The following APPL2 variants were observed in gnomAD, a reference collection of about 807,000 sequenced individuals.
APPL2 encodes the protein adaptor protein, phosphotyrosine interacting with PH domain and leucine zipper 2, also known as DCC-interacting protein 13-beta.
A neutral mutation model predicts 92.7 loss-of-function variants in APPL2; 84 were observed. The ratio of observed to expected loss-of-function variants is 0.91; its 90% CI spans 0.76 to 1.09. The LOEUF (loss-of-function observed/expected upper bound fraction) is 1.09, where lower values mean the gene tolerates loss of function less well. Ranked by LOEUF, APPL2 falls within the 50% of genes least tolerant of loss-of-function variation. APPL2 has a pLI of 0.00. For missense variants in APPL2, 736 were observed against 824.5 expected (o/e 0.89, Z 1.31); for synonymous variants, 291 against 291.0 (o/e 1.00, Z 0.00).
At chr12:105,198,069 T>C in intron 10 of APPL2, 116 bp from the exon 11 acceptor site, 1 of 1,081,522 alleles carries the variant, frequency 9.2e-7, no homozygotes, top group Non-Finnish European at 1.3e-6. Flanking sequence ...TGTTTCTTTA[T>C]ATCGTTAAAG....
intron 14 of APPL2, among the ~76,000 whole-genome samples, chr12:105,194,690 C>T (rs886673870): frequency 4.8e-5 from 7 of 146,734 alleles, no homozygotes; most frequent in African/African-American, 2.5e-5. Flanking sequence ...GACTCCGTCT[C>T]GAAAAAATTA....
intron 8 of APPL2, among the ~76,000 whole-genome samples, chr12:105,204,302 A>C (rs1888508811): frequency 6.6e-6 from 1 of 152,178 alleles, no homozygotes; most frequent in Non-Finnish European, 1.5e-5. Flanking sequence ...GAGCAAGGGT[A>C]TTCTCTCACA....
At chr12:105,195,818 G>C (rs1264424191) in intron 11 of APPL2, among the ~76,000 whole-genome samples, 191 bp from the exon 12 acceptor site, 1 of 152,196 alleles carries the variant, frequency 6.6e-6, no homozygotes, top group Non-Finnish European at 1.5e-5. Flanking sequence ...ATTTTGGGAA[G>C]GTGAGGCAGG....
intron 19 of APPL2, chr12:105,176,480 C>T: frequency 2.3e-6 from 1 of 434,718 alleles, no homozygotes; most frequent in Non-Finnish European, 4.0e-6. Flanking sequence ...GTTTTTCATA[C>T]TAAACCAACA....
chr12:105,225,966 T>C (rs1388545098), intron 2 of APPL2, among the ~76,000 whole-genome samples: 2 of 152,210 alleles, frequency 1.3e-5, no homozygotes, highest in Non-Finnish European at 2.9e-5. Flanking sequence ...AAGCCTGCTT[T>C]TGAAAATATG....
At chr12:105,177,340 A>G in intron 17 of APPL2, 78 bp from the exon 18 acceptor site, 5 of 1,422,474 alleles carry the variant, frequency 3.5e-6, no homozygotes, top group Non-Finnish European at 4.0e-6. Flanking sequence ...AGAAGTCCAG[A>G]ATAAATACAA....
At chr12:105,174,978 G>A (rs986386300) in intron 20 of APPL2, among the ~76,000 whole-genome samples, 9 of 150,434 alleles carry the variant, frequency 6.0e-5, no homozygotes, top group Admixed American at 2.0e-4. Context: ...TCGCCTCCCC[G>A]GTTCAAACGA....
intron 14 of APPL2, among the ~76,000 whole-genome samples, chr12:105,194,782 T>TAA (rs36104130): frequency 0.27 from 38,875 of 144,308 alleles, 5,974 homozygotes; most frequent in African/African-American, 0.44. Context: ...TAGAAATAGT[T>TAA]AAAAAAAAAA....
intron 4 of APPL2, among the ~76,000 whole-genome samples, chr12:105,211,653 T>C (rs1889228093): frequency 6.6e-6 from 1 of 152,184 alleles, no homozygotes; most frequent in Non-Finnish European, 1.5e-5. Flanking sequence ...TGGATGTGCC[T>C]GCAGAGAACA....
intron 9 of APPL2, among the ~76,000 whole-genome samples, chr12:105,200,769 T>A (rs1388904346): frequency 6.6e-6 from 1 of 152,216 alleles, no homozygotes; most frequent in Non-Finnish European, 1.5e-5. Context: ...CACCTCAGGA[T>A]TCTCTCTCTT....
chr12:105,223,590 G>A (rs543857813), intron 2 of APPL2, among the ~76,000 whole-genome samples: 34 of 152,342 alleles, frequency 2.2e-4, no homozygotes, highest in African/African-American at 7.5e-4. Context: ...GCACTAAGCA[G>A]CCTCCCATGC....
At chr12:105,209,420 T>A (rs1261858980) in intron 5 of APPL2, among the ~76,000 whole-genome samples, 1 of 152,116 alleles carries the variant, frequency 6.6e-6, no homozygotes, top group South Asian at 2.1e-4. Flanking sequence ...AAAATCACCA[T>A]CCTGGGCAAA....
chr12:105,207,201 T>C lies in APPL2; in HGVS notation c.481A>G (p.Thr161Ala). ...PKKKENEKVK[T>A]EVGKEVAAAR... ...GCGGCCACCTCTTTTCCGACTTCGG[T>C]CTTCACCTGGTTAAAAGGTGAAAGG... The change falls in exon 8 of 21, where the codon ACC (threonine) becomes GCC (alanine). Residue 161 changes from threonine (T) to alanine (A), a missense_variant. Physicochemically the swap from Thr to Ala is moderately conservative, Grantham distance 58. Transcript: ENST00000258530. 6.2e-7 allele frequency: 1 copy of C among 1,612,768 alleles called. No homozygotes were observed. The highest frequency in any genetic ancestry group is 8.5e-7 in the Non-Finnish European group (1 of 1,179,682).
At chr12:105,196,970 G>C (rs1433860690) in intron 11 of APPL2, among the ~76,000 whole-genome samples, 1 of 152,160 alleles carries the variant, frequency 6.6e-6, no homozygotes, top group Non-Finnish European at 1.5e-5. Context: ...GCCAAGCTGG[G>C]AGGAGAGACA....
At chr12:105,199,314 T>C in intron 10 of APPL2, 59 bp downstream of exon 10, 1 of 1,568,540 alleles carries the variant, frequency 6.4e-7, no homozygotes, top group South Asian at 1.2e-5. Flanking sequence ...AGATTGCTTT[T>C]CAGCCACCTC....
intron 4 of APPL2, among the ~76,000 whole-genome samples, chr12:105,214,601 G>A (rs1212632198): frequency 6.6e-6 from 1 of 152,246 alleles, no homozygotes; most frequent in Non-Finnish European, 1.5e-5. Context: ...TTGGCATAGA[G>A]CTCTGAAAAC....
chr12:105,188,208 G>A (rs1451263585), intron 17 of APPL2, 65 bp downstream of exon 17: 2 of 1,541,888 alleles, frequency 1.3e-6, no homozygotes, highest in African/African-American at 1.4e-5. Flanking sequence ...TCAGATGGGT[G>A]CATTAGCCTT....
At chr12:105,205,492 G>A (rs1888622054) in intron 8 of APPL2, among the ~76,000 whole-genome samples, 4 of 152,196 alleles carry the variant, frequency 2.6e-5, no homozygotes, top group Non-Finnish European at 5.9e-5. Flanking sequence ...AGTCCAGGCT[G>A]GGAGCAGTGA....
intron 17 of APPL2, among the ~76,000 whole-genome samples, chr12:105,186,699 C>CATATATATATCATATATCATATAT (rs145976697): frequency 1.5e-5 from 2 of 134,546 alleles, no homozygotes; most frequent in African/African-American, 3.1e-5. Flanking sequence ...TATCATATAT[C>CATATATATATCATATATCATATAT]ATATCATATA....
Sources: gnomAD v4.1 joint callset for allele counts (sites outside exome capture counted in the v4.1 genomes callset) on GRCh38, gnomAD v4.1.1 for gene constraint, MANE v1.5 for transcripts, NCBI Gene and HGNC (gene_info 2026-07-23, HGNC 2026-07-21) for gene names.